Variants in CSMD1 observed in about 807,000 individuals in gnomAD.
The protein encoded by CSMD1 is CUB and Sushi multiple domains 1, also known as CUB and sushi domain-containing protein 1.
CSMD1 carries 213 observed loss-of-function variants against 417.5 expected under a neutral mutation model. That is an observed-to-expected ratio of 0.51 (90% confidence interval 0.46 to 0.57). CSMD1 has a LOEUF of 0.57. Ranked by LOEUF, CSMD1 falls within the 20% of genes least tolerant of loss-of-function variation. The pLI is 0.00. For missense variants in CSMD1, 6,923 were observed against 4,529.7 expected (o/e 1.53, Z -15.17); for synonymous variants, 2,862 against 1,736.8 (o/e 1.65, Z -16.11).
intron 26 of CSMD1, among the ~76,000 whole-genome samples, chr8:3,282,458 T>C (rs890120646): frequency 6.6e-6 from 1 of 152,218 alleles, no homozygotes; most frequent in Non-Finnish European, 1.5e-5. Context: ...TTCTCAACTT[T>C]TTTGTTTTGC....
rs541921869 is a variant in CSMD1, at chr8:4,391,916, C to A, written c.415+28037G>T. 6.6e-5 allele frequency among the ~76,000 whole-genome samples: 10 copies of A among 152,252 alleles called. 1 individual carries two copies. The South Asian group carries it at 1.9e-3, about 28-fold the overall frequency. On this transcript the variant is annotated intron_variant, in intron 3 of 69. Transcript: ENST00000635120. The stretch of plus-strand genomic sequence containing the variant: ...AGCTTCTTTTCAGATGTCTTAGAAC[C>A]CTGAGGCTCCCATGAAGAATACTGA...
intron 2 of CSMD1, among the ~76,000 whole-genome samples, chr8:4,576,317 T>C (rs1383072132): frequency 6.6e-6 from 1 of 152,236 alleles, no homozygotes; most frequent in Non-Finnish European, 1.5e-5. Context: ...CTCATTCTTT[T>C]CTTTTCTCCT....
chr8:4,106,151 T>C (rs1336938781), intron 3 of CSMD1, among the ~76,000 whole-genome samples: 2 of 152,098 alleles, frequency 1.3e-5, no homozygotes, highest in African/African-American at 2.4e-5. Context: ...CATGTTTCTC[T>C]GGTGAGTACA....
intron 41 of CSMD1, among the ~76,000 whole-genome samples, chr8:3,130,589 C>T (rs745877826): frequency 1.3e-5 from 2 of 152,176 alleles, no homozygotes; most frequent in Non-Finnish European, 2.9e-5. Context: ...CCGGGGAAGC[C>T]CTCTGACCTT....
chr8:3,484,550 G>C (rs1007403303), intron 11 of CSMD1, among the ~76,000 whole-genome samples: 2 of 152,174 alleles, frequency 1.3e-5, no homozygotes, highest in Non-Finnish European at 2.9e-5. Flanking sequence ...AGAGTTGACA[G>C]CAAAAGCACT....
chr8:3,984,061 T>A (rs10094217), intron 5 of CSMD1, among the ~76,000 whole-genome samples: 6 of 109,184 alleles, frequency 5.5e-5, no homozygotes, highest in East Asian at 2.9e-4. Flanking sequence ...GGCTGTCAAT[T>A]GCAGCTCTAG....
chr8:3,314,124 G>A (rs1419707494), intron 23 of CSMD1, among the ~76,000 whole-genome samples: 4 of 151,980 alleles, frequency 2.6e-5, no homozygotes, highest in South Asian at 4.1e-4. Flanking sequence ...CTGTTGTGGG[G>A]TGGGGGGAGT....
chr8:3,245,647 C>A (rs922885263), intron 26 of CSMD1, among the ~76,000 whole-genome samples: 10 of 152,190 alleles, frequency 6.6e-5, no homozygotes, highest in African/African-American at 2.4e-4. Context: ...CACCTGACTC[C>A]AAGTTGCAAA....
chr8:3,406,005 C>T (rs190502039), intron 15 of CSMD1, 22 bp downstream of exon 15: 69 of 1,606,322 alleles, frequency 4.3e-5, no homozygotes, highest in Admixed American at 1.7e-4. Context: ...AGGAGAAGAG[C>T]GGGGGGTGGC....
intron 3 of CSMD1, among the ~76,000 whole-genome samples, chr8:4,099,253 C>G (rs1384026049): frequency 2.6e-5 from 4 of 151,708 alleles, no homozygotes; most frequent in African/African-American, 7.3e-5. Context: ...CTTCAAGTGT[C>G]TTTCTTTGTT....
chr8:4,023,519 G>A (rs17068619), intron 4 of CSMD1, among the ~76,000 whole-genome samples: 7 of 151,736 alleles, frequency 4.6e-5, no homozygotes, highest in African/African-American at 1.5e-4. Context: ...ACAGGCATAC[G>A]CTTGGCTCTG....
At chr8:3,686,333 C>T (rs1175223202) in intron 7 of CSMD1, among the ~76,000 whole-genome samples, 2 of 152,130 alleles carry the variant, frequency 1.3e-5, no homozygotes, top group South Asian at 2.1e-4. Context: ...GAAGCGCCTT[C>T]ACTTCTCTAC....
chr8:4,513,729 A>G (rs1005239551), intron 2 of CSMD1, among the ~76,000 whole-genome samples: 3 of 152,230 alleles, frequency 2.0e-5, no homozygotes, highest in African/African-American at 7.2e-5. Flanking sequence ...ACACACACAT[A>G]AACTTGCTAC....
At chr8:3,606,012 G>A (rs961549139) in intron 8 of CSMD1, among the ~76,000 whole-genome samples, 3 of 152,086 alleles carry the variant, frequency 2.0e-5, no homozygotes, top group African/African-American at 7.2e-5. Context: ...AATCAATAAG[G>A]CGTCTCCCCT....
chr8:3,638,956 G>A (rs1292107739), intron 7 of CSMD1, among the ~76,000 whole-genome samples: 1 of 152,174 alleles, frequency 6.6e-6, no homozygotes, highest in Non-Finnish European at 1.5e-5. Flanking sequence ...TGGGAATTCA[G>A]AAATTATTTC....
chr8:4,722,092 A>G (rs985968779), intron 1 of CSMD1, among the ~76,000 whole-genome samples: 3 of 152,178 alleles, frequency 2.0e-5, no homozygotes, highest in African/African-American at 7.2e-5. Context: ...AATCTAATAT[A>G]TAGCATGAAA....
At chr8:4,027,185 G>C (rs1289698120) in intron 4 of CSMD1, among the ~76,000 whole-genome samples, 1 of 152,142 alleles carries the variant, frequency 6.6e-6, no homozygotes, top group African/African-American at 2.4e-5. Context: ...GAGGTAAGAA[G>C]CATATAGGAA....
chr8:4,562,348 G>T (rs999795058), intron 2 of CSMD1, among the ~76,000 whole-genome samples: 1 of 152,124 alleles, frequency 6.6e-6, no homozygotes, highest in Non-Finnish European at 1.5e-5. Flanking sequence ...GGAAATGGAA[G>T]AAGTGGCACA....
chr8:4,165,133 G>C (rs1197420645), intron 3 of CSMD1, among the ~76,000 whole-genome samples: 1 of 152,118 alleles, frequency 6.6e-6, no homozygotes, highest in Non-Finnish European at 1.5e-5. Flanking sequence ...TGCATGACAG[G>C]TATCTATATT....
Sources: gnomAD v4.1 joint callset for allele counts (sites outside exome capture counted in the v4.1 genomes callset) on GRCh38, gnomAD v4.1.1 for gene constraint, MANE v1.5 for transcripts, NCBI Gene and HGNC (gene_info 2026-07-23, HGNC 2026-07-21) for gene names.